The following GPHN variants were observed in gnomAD, a reference collection of about 807,000 sequenced individuals.
GPHN encodes the protein gephyrin.
Under a neutral mutation model 95.5 loss-of-function variants are expected in GPHN, and 17 were observed. That is an observed-to-expected ratio of 0.18 (90% CI 0.12 to 0.27). The LOEUF (loss-of-function observed/expected upper bound fraction) is 0.27, where lower values mean the gene tolerates loss of function less well. Among genes scored for constraint, GPHN ranks in the 10% least tolerant of loss-of-function variants. GPHN has a pLI of 1.00. For synonymous variants in GPHN, 320 were observed against 322.5 expected (o/e 0.99, Z 0.08); for missense variants, 660 against 978.1 (o/e 0.67, Z 4.34).
At chr14:67,726,198 T>C in the GPHN span, 2 of 1,139,882 alleles carry the variant, frequency 1.8e-6, no homozygotes, top group East Asian at 2.3e-5. Flanking sequence ...ACACCCACTA[T>C]CTTTTCTTTA....
intron 1 of GPHN, among the ~76,000 whole-genome samples, chr14:66,565,457 C>T (rs887660920): frequency 9.9e-5 from 15 of 152,046 alleles, no homozygotes; most frequent in Admixed American, 8.5e-4. Context: ...CACCACCACA[C>T]CCAGCTAATT....
intron 21 of GPHN, among the ~76,000 whole-genome samples, chr14:67,173,466 C>T (rs2082714857): frequency 1.3e-5 from 2 of 152,090 alleles, no homozygotes; most frequent in South Asian, 4.1e-4. Flanking sequence ...CCTGAAAGCA[C>T]CTGAAGATGC....
At chr14:67,536,381 A>G in the GPHN span, among the ~76,000 whole-genome samples, 4 of 152,042 alleles carry the variant, frequency 2.6e-5, no homozygotes, top group South Asian at 8.3e-4. Context: ...CACGTCTGGC[A>G]GAGCACTTTT....
At chr14:67,676,300 C>T in the GPHN span, among the ~76,000 whole-genome samples, 7 of 152,168 alleles carry the variant, frequency 4.6e-5, no homozygotes, top group Non-Finnish European at 8.8e-5. Flanking sequence ...TGATTCAACA[C>T]ACTTTGGTTA....
At chr14:66,543,854 C>T (rs2059438979) in intron 1 of GPHN, among the ~76,000 whole-genome samples, 1 of 152,152 alleles carries the variant, frequency 6.6e-6, no homozygotes, top group South Asian at 2.1e-4. Context: ...TAGTAACCTC[C>T]TATCTTGTCT....
intron 11 of GPHN, among the ~76,000 whole-genome samples, chr14:67,074,390 T>G (rs2076418991): frequency 6.6e-6 from 1 of 152,126 alleles, no homozygotes; most frequent in Non-Finnish European, 1.5e-5. Context: ...TGTTATTATT[T>G]GGGGGCACCA....
At chr14:66,930,090 C>T (rs1274708583) in intron 8 of GPHN, among the ~76,000 whole-genome samples, 1 of 152,158 alleles carries the variant, frequency 6.6e-6, no homozygotes, top group Non-Finnish European at 1.5e-5. Context: ...TCCATTCAGC[C>T]ATTCTGTGTC....
chr14:67,550,586 C>T, the GPHN span, among the ~76,000 whole-genome samples: 1 of 152,142 alleles, frequency 6.6e-6, no homozygotes. Flanking sequence ...ATAGATGAGA[C>T]AATGAAGAGA....
chr14:66,742,887 G>A (rs1015216427), intron 2 of GPHN, among the ~76,000 whole-genome samples: 3 of 152,094 alleles, frequency 2.0e-5, no homozygotes, highest in African/African-American at 4.8e-5. Flanking sequence ...TCAGCCTCCC[G>A]AGTAGTTGGG....
At chr14:66,811,546 C>CAAAAAAAAAAAAAAAAAAAA (rs778914403) in intron 3 of GPHN, among the ~76,000 whole-genome samples, 1 of 87,144 alleles carries the variant, frequency 1.1e-5, no homozygotes. Context: ...TTACATTCAG[C>CAAAAAAAAAAAAAAAAAAAA]AAAAAAAAAA....
intron 1 of GPHN, among the ~76,000 whole-genome samples, chr14:66,646,163 C>T (rs1400587155): frequency 6.6e-6 from 1 of 151,968 alleles, no homozygotes; most frequent in African/African-American, 2.4e-5. Flanking sequence ...TTGTATTATA[C>T]AAAGAAGATA....
chr14:66,867,642 T>C (rs113434456), intron 4 of GPHN, among the ~76,000 whole-genome samples: 79 of 152,298 alleles, frequency 5.2e-4, no homozygotes, highest in African/African-American at 1.6e-3. Context: ...ATGAAATTAA[T>C]GTGTTTGTCC....
the GPHN span, among the ~76,000 whole-genome samples, chr14:67,534,347 G>A: frequency 6.6e-6 from 1 of 152,176 alleles, no homozygotes; most frequent in Non-Finnish European, 1.5e-5. Context: ...GGGAAGCCAA[G>A]GCAGGAGGAG....
chr14:66,585,024 T>C (rs528591776), intron 1 of GPHN, among the ~76,000 whole-genome samples: 1 of 152,154 alleles, frequency 6.6e-6, no homozygotes, highest in Non-Finnish European at 1.5e-5. Context: ...GTCCTGGACT[T>C]TTTTTGGTTG....
the GPHN span, among the ~76,000 whole-genome samples, chr14:67,266,111 A>C: frequency 6.6e-6 from 1 of 151,782 alleles, no homozygotes; most frequent in African/African-American, 2.4e-5. Context: ...CTGGTGTAAA[A>C]ACTTCTTTTA....
At chr14:67,570,304 C>T in the GPHN span, 1 of 978,364 alleles carries the variant, frequency 1.0e-6, no homozygotes, top group Non-Finnish European at 1.2e-6. Context: ...CCTCAGGTCC[C>T]AGAGGGCAGT....
At chr14:66,789,356 T>TA (rs1410967967) in intron 3 of GPHN, among the ~76,000 whole-genome samples, 2 of 152,254 alleles carry the variant, frequency 1.3e-5, no homozygotes, top group Non-Finnish European at 2.9e-5. Flanking sequence ...AATTATGTGT[T>TA]ACAATGTTAA....
At chr14:66,728,684 C>A (rs947067327) in intron 2 of GPHN, among the ~76,000 whole-genome samples, 3 of 152,186 alleles carry the variant, frequency 2.0e-5, no homozygotes, top group Non-Finnish European at 4.4e-5. Flanking sequence ...TTTACCTGTA[C>A]CCTCATTGTA....
the GPHN span, among the ~76,000 whole-genome samples, chr14:67,387,637 C>G: frequency 1.3e-5 from 2 of 152,210 alleles, no homozygotes; most frequent in Non-Finnish European, 2.9e-5. Flanking sequence ...CATTCCCTGT[C>G]CCTCACCAGT....
Sources: allele counts gnomAD v4.1 joint callset (sites outside exome capture counted in the v4.1 genomes callset), GRCh38; gene constraint gnomAD v4.1.1; transcripts MANE v1.5; gene names NCBI Gene and HGNC (gene_info 2026-07-23, HGNC 2026-07-21).